Variants in UNC13B observed in about 807,000 individuals in gnomAD.
UNC13B encodes protein unc-13 homolog B.
Under a neutral mutation model 211.0 loss-of-function variants are expected in UNC13B, and 144 were observed. The ratio of observed to expected loss-of-function variants is 0.68; its 90% CI spans 0.60 to 0.78. UNC13B has a LOEUF of 0.78. Among genes scored for constraint, UNC13B ranks in the 30% least tolerant of loss-of-function variants. The pLI is 0.00. For missense variants in UNC13B, 1,777 were observed against 2,002.0 expected, an observed-to-expected ratio of 0.89 and a Z score of 2.14; for synonymous variants, 709 against 725.8, an observed-to-expected ratio of 0.98 and a Z score of 0.37.
At chr9:35,325,702 A>T (rs891633550) in intron 11 of UNC13B, among the ~76,000 whole-genome samples, 2 of 152,168 alleles carry the variant, frequency 1.3e-5, no homozygotes, top group Non-Finnish European at 2.9e-5. Context: ...TCATCACCTC[A>T]AAAGGAAATC....
intron 7 of UNC13B, among the ~76,000 whole-genome samples, chr9:35,263,696 A>C (rs1827407217): frequency 6.6e-6 from 1 of 152,154 alleles, no homozygotes; most frequent in Admixed American, 6.6e-5. Context: ...TGAAGCCTCA[A>C]CACTCAATAT....
intron 1 of UNC13B, among the ~76,000 whole-genome samples, chr9:35,225,970 G>C (rs1468785440): frequency 6.6e-6 from 1 of 152,104 alleles, no homozygotes; most frequent in African/African-American, 2.4e-5. Context: ...AGTGGTGGGA[G>C]CAGGCTTGAT....
chr9:35,208,324 C>A (rs562955823), intron 1 of UNC13B, among the ~76,000 whole-genome samples: 90 of 152,282 alleles, frequency 5.9e-4, no homozygotes, highest in Middle Eastern at 6.8e-3. Flanking sequence ...TTCAGTGACT[C>A]CTTGGAATTC....
At position 35,399,425 on chromosome 9, in the gene UNC13B, C is replaced by T. The variant is rs1362849892; in HGVS notation, c.12232C>T (p.Leu4078=). ...TQLIFTAAKE[L]SHLSKLKDHM... ...GCTGATCTTCACTGCTGCCAAGGAG[C>T]TGAGCCATCTTTCCAAACTCAAGGT... Residue 4078 remains leucine (L), a synonymous_variant, in exon 35 of 40, where the codon CTG becomes TTG. Transcript: ENST00000635942. The T allele has an allele frequency of 6.2e-7, 1 of 1,614,056 alleles. No individual in the cohort carries two copies. The highest frequency in any genetic ancestry group is 8.5e-7 in the Non-Finnish European group (1 of 1,180,042).
Position 35,218,864 on chromosome 9 carries a change from C to T in UNC13B, c.23-9151C>T, listed in dbSNP as rs551173316. Among the ~76,000 whole-genome samples the T allele has an allele frequency of 1.4e-3, 209 of 152,152 alleles. 1 individual carries two copies. The highest frequency in any genetic ancestry group is 4.7e-3 in the African/African-American group (195 of 41,518). On this transcript the variant is annotated intron_variant, in intron 1 of 39. Transcript: ENST00000635942. ...TCCCGGGTTCAAGTGATTCTCCTGC[C>T]TCAGCCTCCTGAGTAGCTGGGATTA...
intron 1 of UNC13B, among the ~76,000 whole-genome samples, chr9:35,200,802 C>G (rs1357009425): frequency 6.6e-6 from 1 of 152,196 alleles, no homozygotes; most frequent in African/African-American, 2.4e-5. Context: ...TTGACATCCT[C>G]TTTTCCTAAT....
intron 7 of UNC13B, among the ~76,000 whole-genome samples, chr9:35,294,930 A>T (rs912395850): frequency 5.3e-5 from 8 of 152,226 alleles, no homozygotes; most frequent in South Asian, 2.1e-4. Flanking sequence ...ATTCTACGAA[A>T]TTGTAGTCAC....
chr9:35,403,109 C>T, intron 37 of UNC13B, 58 bp from the exon 38 acceptor site: 1 of 1,562,158 alleles, frequency 6.4e-7, no homozygotes. Context: ...CTCCTCACCC[C>T]TCAGGTTTAC....
chr9:35,168,612 C>G (rs557641543), intron 1 of UNC13B, among the ~76,000 whole-genome samples: 13 of 152,162 alleles, frequency 8.5e-5, no homozygotes, highest in African/African-American at 3.1e-4. Context: ...AGACCAAAGA[C>G]TCTGCTCTTG....
At chr9:35,251,669 T>A (rs1001257064) in intron 6 of UNC13B, among the ~76,000 whole-genome samples, 21 of 151,936 alleles carry the variant, frequency 1.4e-4, no homozygotes, top group Non-Finnish European at 2.4e-4. Context: ...ATACTTTTTT[T>A]TAAAAAAAAA....
intron 30 of UNC13B, 41 bp from the exon 31 acceptor site, chr9:35,398,170 T>C (rs752115694): frequency 6.3e-7 from 1 of 1,595,386 alleles, no homozygotes; most frequent in Non-Finnish European, 8.6e-7. Context: ...GGTCCTATGC[T>C]GAAAGGAGCC....
rs1587576678 is a variant in UNC13B, at chr9:35,302,610, C to T, written c.3206C>T (p.Thr1069Ile). 1 of 398,628 alleles carries T rather than the reference C, an allele frequency of 2.5e-6. No homozygotes were observed. Among genetic ancestry groups the T allele is most frequent in the Non-Finnish European group, 4.4e-6 (1 of 225,760 alleles). The allele number at this position is 398,628 out of a possible 1,614,324, so 24.7% of individuals were successfully genotyped here. A position where few individuals can be genotyped will look rare whatever the true frequency, so the allele number is the denominator to read the frequency against. ...GAGGAATTAAATCCAAGTGACCACA[C>T]AGCAGGACAGAATTTTGAAAGGGAT... ...NIEELNPSDH[T>I]AGQNFERDGL... The change falls in exon 9 of 40, where the codon ACA becomes ATA. Residue 1069 changes from threonine to isoleucine, a missense_variant. By Grantham distance (89) the Thr-to-Ile change is moderately conservative. Transcript: ENST00000635942.
intron 26 of UNC13B, among the ~76,000 whole-genome samples, chr9:35,394,211 G>C (rs370780565): frequency 6.6e-6 from 1 of 152,202 alleles, no homozygotes; most frequent in Non-Finnish European, 1.5e-5. Flanking sequence ...GGTAAGATTA[G>C]TTGGTGTACT....
In UNC13B at chr9:35,331,765, T is replaced by C. The variant is rs1253168028; in HGVS notation, c.9414+17776T>C. Among the ~76,000 whole-genome samples the C allele has an allele frequency of 3.3e-5, 5 of 152,356 alleles. No homozygotes were observed. In the East Asian group the frequency reaches 7.7e-4, roughly 23 times the overall value. On this transcript the variant is annotated intron_variant, in intron 11 of 39. Transcript: ENST00000635942. ...ATAGTGTTTTTAAAACTCCCTTTTT[T>C]CGTTTCCTATTTTCTTCTATTATTC...
At chr9:35,211,235 T>G (rs1409257348) in intron 1 of UNC13B, among the ~76,000 whole-genome samples, 1 of 152,244 alleles carries the variant, frequency 6.6e-6, no homozygotes, top group East Asian at 1.9e-4. Flanking sequence ...GAGAGGCATG[T>G]ACTAAAACAA....
intron 8 of UNC13B, among the ~76,000 whole-genome samples, chr9:35,299,581 A>G (rs948940176): frequency 1.3e-5 from 2 of 152,226 alleles, no homozygotes; most frequent in African/African-American, 2.4e-5. Context: ...AAGCTCACCA[A>G]TGAAAAATGA....
chr9:35,370,261 C>G, intron 12 of UNC13B, 57 bp from the exon 13 acceptor site: 2 of 1,506,690 alleles, frequency 1.3e-6, no homozygotes, highest in African/African-American at 1.4e-5. Context: ...AACACTGAAC[C>G]CACCAGCTAA....
chr9:35,240,402 A>C (rs1825742512), intron 5 of UNC13B, among the ~76,000 whole-genome samples: 1 of 152,190 alleles, frequency 6.6e-6, no homozygotes, highest in Non-Finnish European at 1.5e-5. Context: ...CAAAAATGAC[A>C]TGATTTTCCA....
chr9:35,202,953 C>T (rs370224257), intron 1 of UNC13B, among the ~76,000 whole-genome samples: 327 of 152,068 alleles, frequency 2.2e-3, no homozygotes, highest in Middle Eastern at 6.8e-3. Context: ...CCAACGTGCC[C>T]GGCTAATTTT....
Sources: gnomAD v4.1 joint callset for allele counts (sites outside exome capture counted in the v4.1 genomes callset) on GRCh38, gnomAD v4.1.1 for gene constraint, MANE v1.5 for transcripts, NCBI Gene and HGNC (gene_info 2026-07-23, HGNC 2026-07-21) for gene names.